PDE10A: variants seen among roughly 807,000 people sequenced by gnomAD.
The protein encoded by PDE10A is phosphodiesterase 10A, also known as cAMP and cAMP-inhibited cGMP 3',5'-cyclic phosphodiesterase 10A.
A neutral mutation model predicts 97.7 loss-of-function variants in PDE10A; 39 were observed. That is an observed-to-expected ratio of 0.40 (90% CI 0.31 to 0.52). PDE10A has a LOEUF of 0.52. PDE10A is among the 20% of genes least tolerant of loss of function. The pLI is 0.56. For missense variants in PDE10A, 731 were observed against 1,047.8 expected (o/e 0.70, Z 4.17); for synonymous variants, 371 against 376.8 (o/e 0.98, Z 0.18).
In PDE10A at chr6:165,838,035, A is replaced by C. The variant is rs377294574; in HGVS notation, c.-615+149494T>G. ...AGTAACTCAGGAAAGAGAGGAAGTT[A>C]GAGAACTAGAAACGTACAAGCTTCC... On this transcript the variant is annotated intron_variant, in intron 1 of 19. Transcript: ENST00000366882. Among the ~76,000 whole-genome samples the C allele has an allele frequency of 8.5e-5, 13 of 152,348 alleles. No individual in the cohort carries two copies. In the South Asian group the frequency reaches 1.5e-3, roughly 17 times the overall value.
At chr6:165,525,910 G>A (rs1053042904) in intron 2 of PDE10A, among the ~76,000 whole-genome samples, 1 of 152,062 alleles carries the variant, frequency 6.6e-6, no homozygotes, top group Non-Finnish European at 1.5e-5. Flanking sequence ...ATTTTTCTAA[G>A]GAGAAAACTT....
At chr6:165,367,662 A>G (rs199821974) in intron 18 of PDE10A, among the ~76,000 whole-genome samples, 20 of 42,712 alleles carry the variant, frequency 4.7e-4, no homozygotes, top group Admixed American at 1.9e-3. Flanking sequence ...CAGGAGGGGG[A>G]AAAAAAAAAA....
intron 1 of PDE10A, among the ~76,000 whole-genome samples, chr6:165,619,350 T>C (rs376164479): frequency 6.6e-6 from 1 of 150,602 alleles, no homozygotes. Context: ...TAGTCTAGTG[T>C]AGTGTAGTCT....
chr6:165,567,994 A>ATTT (rs386409260), intron 1 of PDE10A, among the ~76,000 whole-genome samples: 3,424 of 130,490 alleles, frequency 0.026, 237 homozygotes, highest in African/African-American at 0.1. Context: ...GCAACAAGGC[A>ATTT]TTTTTTTTTT....
In PDE10A at chr6:165,836,288, T is replaced by C. The variant is rs565390463; in HGVS notation, c.-615+151241A>G. Among the ~76,000 whole-genome samples the C allele has an allele frequency of 5.5e-4, 84 of 152,278 alleles. No individual in the cohort carries two copies. The South Asian group carries it at 5.8e-3, about 11-fold the overall frequency. On this transcript the variant is annotated intron_variant, in intron 1 of 19. Transcript: ENST00000366882. ...GAACAAATAACTATTTTCTGAAACA[T>C]TTGAGGGTACTTCTACCTTTCTTCC...
intron 1 of PDE10A, among the ~76,000 whole-genome samples, chr6:165,621,298 C>CAA (rs201406861): frequency 7.2e-6 from 1 of 138,260 alleles, no homozygotes. Context: ...TTTAAGCTTT[C>CAA]AAAAAAAAAA....
intron 1 of PDE10A, among the ~76,000 whole-genome samples, chr6:165,561,487 T>G (rs1327657443): frequency 1.3e-5 from 2 of 152,156 alleles, no homozygotes; most frequent in African/African-American, 4.8e-5. Flanking sequence ...TAAAATCATG[T>G]AAGCCAAAAG....
upstream of PDE10A, chr6:165,987,980 T>C (rs565475998): frequency 3.8e-5 from 13 of 344,480 alleles, no homozygotes; most frequent in African/African-American, 6.4e-5. Context: ...TGCGTGCGTG[T>C]GTGTGTGTGT....
At chr6:165,905,375 G>T (rs1273850135) in intron 1 of PDE10A, among the ~76,000 whole-genome samples, 1 of 151,980 alleles carries the variant, frequency 6.6e-6, no homozygotes, top group Non-Finnish European at 1.5e-5. Flanking sequence ...TTACATACAT[G>T]CAATTAAAAG....
chr6:165,876,401 A>C (rs2128479748), intron 1 of PDE10A, among the ~76,000 whole-genome samples: 2 of 152,334 alleles, frequency 1.3e-5, no homozygotes, highest in Non-Finnish European at 2.9e-5. Context: ...CTGCTTATTA[A>C]AGAAAAGCTA....
chr6:165,788,289 G>A (rs764174943), intron 1 of PDE10A, among the ~76,000 whole-genome samples: 6 of 151,748 alleles, frequency 4.0e-5, no homozygotes, highest in Non-Finnish European at 8.8e-5. Flanking sequence ...AGGCCGAGGC[G>A]GGCAGATCAC....
At chr6:165,614,631 T>C (rs1787642813) in intron 1 of PDE10A, among the ~76,000 whole-genome samples, 2 of 152,160 alleles carry the variant, frequency 1.3e-5, no homozygotes, top group South Asian at 2.1e-4. Context: ...AGTGTTCTCA[T>C]TGTATCCTCT....
At chr6:165,606,167 A>AAC (rs1787199016) in intron 1 of PDE10A, among the ~76,000 whole-genome samples, 1 of 151,450 alleles carries the variant, frequency 6.6e-6, no homozygotes, top group Admixed American at 6.6e-5. Flanking sequence ...AAAAAAAAAA[A>AAC]AACAGAAATA....
intron 2 of PDE10A, among the ~76,000 whole-genome samples, chr6:165,515,843 G>C (rs1781772483): frequency 1.3e-5 from 2 of 151,908 alleles, no homozygotes; most frequent in Non-Finnish European, 1.5e-5. Flanking sequence ...ATTTAAGACT[G>C]TATCATTGGC....
At chr6:165,838,471 T>C (rs1220793312) in intron 1 of PDE10A, among the ~76,000 whole-genome samples, 2 of 152,250 alleles carry the variant, frequency 1.3e-5, no homozygotes, top group Non-Finnish European at 2.9e-5. Flanking sequence ...GTTTTTAGTA[T>C]ATTTTCAAGA....
chr6:165,360,305 A>C (rs1783321570), intron 18 of PDE10A, among the ~76,000 whole-genome samples: 2 of 152,170 alleles, frequency 1.3e-5, no homozygotes, highest in South Asian at 4.1e-4. Context: ...CTGACCCGTG[A>C]GGAGCTTCTG....
Position 165,524,366 on chromosome 6 carries a change from TA to T in PDE10A, c.994+19073del, listed in dbSNP as rs1056462847. Reference sequence around the variant, plus strand: ...TTAATATGATTAGACCCCAAAACGCTAAGGATTCTACTTCTAACAATATGGA... The same window carrying T: ...TTAATATGATTAGACCCCAAAACGCTAGGATTCTACTTCTAACAATATGGA... On this transcript the variant is annotated intron_variant, in intron 2 of 21. Coordinates refer to ENST00000539869, the MANE Select transcript of PDE10A (RefSeq NM_001385079.1). 1.2e-4 allele frequency among the ~76,000 whole-genome samples: 18 copies of T among 152,282 alleles called. No individual in the cohort carries two copies. The East Asian group carries it at 1.4e-3, about 11-fold the overall frequency.
intron 1 of PDE10A, among the ~76,000 whole-genome samples, chr6:165,881,336 A>T (rs986087605): frequency 1.3e-5 from 2 of 151,954 alleles, no homozygotes; most frequent in Non-Finnish European, 2.9e-5. Flanking sequence ...ACATCTTTAC[A>T]AGTAGTTTTC....
At chr6:165,462,633 G>A (rs552964662) in intron 3 of PDE10A, among the ~76,000 whole-genome samples, 60 of 152,188 alleles carry the variant, frequency 3.9e-4, no homozygotes, top group Admixed American at 1.4e-3. Flanking sequence ...CAACTGTCAC[G>A]AGCAACACCC....
Sources: gnomAD v4.1 joint callset for allele counts (sites outside exome capture counted in the v4.1 genomes callset) on GRCh38, gnomAD v4.1.1 for gene constraint, MANE v1.5 for transcripts, NCBI Gene and HGNC (gene_info 2026-07-23, HGNC 2026-07-21) for gene names.